HIVEP3: variants seen among roughly 807,000 people sequenced by gnomAD.
HIVEP3 encodes the protein HIVEP zinc finger 3, also known as transcription factor HIVEP3.
HIVEP3 carries 49 observed loss-of-function variants against 152.8 expected under a neutral mutation model. That is an observed-to-expected ratio of 0.32 (90% CI 0.26 to 0.41). The LOEUF (loss-of-function observed/expected upper bound fraction) is 0.41. HIVEP3 is among the 10% of genes least tolerant of loss of function. The probability of loss-of-function intolerance (pLI) is 1.00; values close to 1 mark genes in which losing one functional copy is unlikely to be tolerated. For missense variants in HIVEP3, 2,790 were observed against 3,103.3 expected (o/e 0.90, Z 2.40); for synonymous variants, 1,269 against 1,289.0 (o/e 0.98, Z 0.33).
chr1:41,907,100 G>A (rs1385609426), intron 1 of HIVEP3, among the ~76,000 whole-genome samples: 1 of 152,156 alleles, frequency 6.6e-6, no homozygotes, highest in Non-Finnish European at 1.5e-5. Context: ...CCCCTCTGTG[G>A]CTTCTGCCTC....
rs1644408738 is a variant in HIVEP3, at chr1:41,581,536, T to C, written c.3262A>G (p.Ile1088Val). 4 of 1,598,528 alleles carry C rather than the reference T, an allele frequency of 2.5e-6. No homozygotes were observed. The highest frequency in any genetic ancestry group is 3.4e-6 in the Non-Finnish European group (4 of 1,172,322). ...CCATGTGAGGTGGCCGCAGAGGAAA[T>C]CTGGGACAATGAGCTTTTGGCAGAG... Reference protein sequence around the residue: ...KPSAKSSLSQISSAATSHGGP... With the variant: ...KPSAKSSLSQVSSAATSHGGP... Residue 1088 changes from isoleucine (I) to valine (V), a missense_variant, in exon 4 of 9, where the codon ATT becomes GTT. Coordinates refer to ENST00000372583, the MANE Select transcript of HIVEP3 (RefSeq NM_024503.5). This position sits in a 1 kb window ranked among gnomAD's most constrained non-coding sequence, Gnocchi z 4.5.
rs543318240 is a variant in HIVEP3, at chr1:41,998,699, T to G, written n.119+37108A>C. Among the ~76,000 whole-genome samples, 207 of 152,244 alleles carry G rather than the reference T, an allele frequency of 1.4e-3. 1 individual carries two copies. Among genetic ancestry groups the G allele is most frequent in the Non-Finnish European group, 2.4e-3 (166 of 68,022 alleles). ...CCCTTATTTGAGGTCTATTAACAAC[T>G]GACCATTTGAAATAATCAGGGATTA... On this transcript the variant is annotated intron_variant and non_coding_transcript_variant, in intron 1 of 3. Transcript: ENST00000489103.
At chr1:41,992,938 C>CT (rs1403387654) in intron 1 of HIVEP3, among the ~76,000 whole-genome samples, 1 of 140,528 alleles carries the variant, frequency 7.1e-6, no homozygotes, top group East Asian at 2.0e-4. Context: ...GGAAAACTGG[C>CT]TAGCCATATG....
intron 1 of HIVEP3, among the ~76,000 whole-genome samples, chr1:41,894,095 C>T (rs1006544118): frequency 6.6e-6 from 1 of 151,804 alleles, no homozygotes; most frequent in Admixed American, 6.6e-5. Context: ...GCAGGGATTA[C>T]AGGCATGAGC....
At chr1:41,889,858 A>T (rs1644420378) in intron 1 of HIVEP3, among the ~76,000 whole-genome samples, 1 of 152,264 alleles carries the variant, frequency 6.6e-6, no homozygotes, top group African/African-American at 2.4e-5. Context: ...AATCCTCACA[A>T]GAACCCTGCT....
chr1:41,562,451 T>C (rs1285324064), intron 5 of HIVEP3, among the ~76,000 whole-genome samples: 5 of 152,142 alleles, frequency 3.3e-5, no homozygotes, highest in African/African-American at 1.2e-4. Context: ...TAATTAAAGA[T>C]AGTGGGAAAA....
In HIVEP3 at chr1:41,584,020, G is replaced by A. The variant is rs747589066; in HGVS notation, c.778C>T (p.Pro260Ser). The change falls in exon 4 of 9, where the codon CCA becomes TCA. Residue 260 changes from proline to serine, a missense_variant. Transcript: ENST00000372583. The surrounding 1 kb of genome is among the most constrained non-coding windows in gnomAD (Gnocchi z 5.2). ...ATCCGCTCCATCTCCAGCCCATGTG[G>A]GTACATCTCGCCACCCATGCCTGAG... ...LASGMGGEMYPHGLEMERIPG... is the reference protein window; with the variant it reads ...LASGMGGEMYSHGLEMERIPG... 1 of 1,614,146 alleles carries A rather than the reference G, an allele frequency of 6.2e-7. No individual in the cohort carries two copies. Among genetic ancestry groups the A allele is most frequent in the Non-Finnish European group, 8.5e-7 (1 of 1,180,016 alleles).
In HIVEP3 at chr1:41,524,728, C is replaced by T; in HGVS notation, c.5383+7G>A. On this transcript the variant is annotated splice_region_variant and intron_variant, in intron 6 of 8. Transcript: ENST00000372583. ...CAGGGGCAGTGCCCCAGCTGACTCT[C>T]TCTTACCTTTGGTTTTAAAAGCAAA... is the stretch of plus-strand genomic sequence containing the variant. The T allele has an allele frequency of 6.2e-7, 1 of 1,613,272 alleles. No individual in the cohort carries two copies. The highest frequency in any genetic ancestry group is 8.5e-7 in the Non-Finnish European group (1 of 1,179,834).
Position 41,511,197 on chromosome 1 carries a change from A to T in HIVEP3, c.6475T>A (p.Ser2159Thr). Residue 2159 changes from serine (S) to threonine (T), a missense_variant, in exon 9 of 9, where the codon TCC (serine) becomes ACC (threonine). Physicochemically the swap from Ser to Thr is moderately conservative, Grantham distance 58 (BLOSUM62 1). Transcript: ENST00000372583. This position sits in a 1 kb window ranked among gnomAD's most constrained non-coding sequence, Gnocchi z 4.9. ...PAHPLSSRPF[S>T]ALHDFHGHIL... is the part of the protein sequence containing the mutation. ...TGGCCGTGGAAGTCATGGAGGGCGG[A>T]GAAGGGTCGGGAGGAGAGAGGATGA... The T allele has an allele frequency of 6.2e-7, 1 of 1,613,968 alleles. No individual in the cohort carries two copies.
chr1:41,853,751 A>G (rs1643671946), intron 1 of HIVEP3, among the ~76,000 whole-genome samples: 1 of 152,272 alleles, frequency 6.6e-6, no homozygotes, highest in Middle Eastern at 3.4e-3. Flanking sequence ...GGTACCCAGA[A>G]ACTGGATGAT....
intron 1 of HIVEP3, among the ~76,000 whole-genome samples, chr1:41,727,943 G>T (rs1445889421): frequency 6.6e-6 from 1 of 152,212 alleles, no homozygotes; most frequent in Non-Finnish European, 1.5e-5. Flanking sequence ...GGCCTGACGG[G>T]TGCATGTTGG....
rs192183786 is a variant in HIVEP3 at position 41,554,162 on chromosome 1, A to G, written c.5207+21382T>C. Among the ~76,000 whole-genome samples the G allele has an allele frequency of 1.4e-3, 211 of 152,314 alleles. 1 individual carries two copies. The highest frequency in any genetic ancestry group is 4.4e-3 in the African/African-American group (181 of 41,570). ...TCAAATGTAGATTTGGTCTTTTCAC[A>G]TAGTCCCATATTTTTTGGAGGCTTT... On this transcript the variant is annotated intron_variant, in intron 5 of 8. Transcript: ENST00000372583.
intron 5 of HIVEP3, among the ~76,000 whole-genome samples, chr1:41,529,367 G>A (rs971637213): frequency 8.2e-5 from 4 of 48,718 alleles, no homozygotes; most frequent in East Asian, 6.9e-4. Flanking sequence ...ACACTCACAC[G>A]CTCACCCTCA....
intron 2 of HIVEP3, among the ~76,000 whole-genome samples, chr1:41,684,000 G>A (rs1646078754): frequency 6.6e-6 from 1 of 152,222 alleles, no homozygotes; most frequent in Non-Finnish European, 1.5e-5. Flanking sequence ...GTTAGCAGCT[G>A]TGTGGTCCTT....
intron 3 of HIVEP3, among the ~76,000 whole-genome samples, chr1:41,592,145 C>T (rs1243510414): frequency 6.6e-6 from 1 of 152,184 alleles, no homozygotes; most frequent in East Asian, 1.9e-4. Flanking sequence ...TTGCTTTCTT[C>T]AACTTTCTCT....
At chr1:41,660,561 G>T (rs1645697439) in intron 2 of HIVEP3, among the ~76,000 whole-genome samples, 1 of 152,038 alleles carries the variant, frequency 6.6e-6, no homozygotes, top group Non-Finnish European at 1.5e-5. Context: ...AACTGTTCTG[G>T]GCTTCTGCTT....
intron 1 of HIVEP3, among the ~76,000 whole-genome samples, chr1:41,871,009 C>T (rs985041037): frequency 5.9e-5 from 9 of 152,226 alleles, no homozygotes; most frequent in African/African-American, 2.2e-4. Context: ...GTGCCTGGCA[C>T]GTGCTAAGTA....
At position 41,681,440 on chromosome 1, in the gene HIVEP3, C is replaced by T. The variant is rs560962562; in HGVS notation, c.-721+19476G>A. Among the ~76,000 whole-genome samples, 3 of 152,272 alleles carry T rather than the reference C, an allele frequency of 2.0e-5. No homozygotes were observed. The East Asian group carries it at 5.8e-4, about 29-fold the overall frequency. ...GGGCTTTGGAGATGGTTCTTGAGGG[C>T]CAGGGGTGACTCACAGTTGAACTAA... On this transcript the variant is annotated intron_variant, in intron 2 of 8. Coordinates refer to ENST00000372583, the MANE Select transcript of HIVEP3 (RefSeq NM_024503.5).
At chr1:41,687,133 T>C (rs755122328) in intron 2 of HIVEP3, among the ~76,000 whole-genome samples, 1 of 152,152 alleles carries the variant, frequency 6.6e-6, no homozygotes. Flanking sequence ...GCCATGTGCA[T>C]ATGCTTCCTA....
Sources: allele counts gnomAD v4.1 joint callset (sites outside exome capture counted in the v4.1 genomes callset), GRCh38; gene constraint gnomAD v4.1.1; non-coding constraint Gnocchi (gnomAD v3.1); transcripts MANE v1.5; gene names NCBI Gene and HGNC (gene_info 2026-07-23, HGNC 2026-07-21).